The following CRTAC1 variants were observed in gnomAD, a reference collection of about 807,000 sequenced individuals.
CRTAC1 encodes the protein acidic secreted protein in cartilage.
Under a neutral mutation model 67.8 loss-of-function variants are expected in CRTAC1, and 37 were observed. The observed-to-expected ratio is 0.55, with a 90% confidence interval of 0.42 to 0.72. The LOEUF (loss-of-function observed/expected upper bound fraction) is 0.72, where lower values mean the gene tolerates loss of function less well. Ranked by LOEUF, CRTAC1 falls within the 30% of genes least tolerant of loss-of-function variation. CRTAC1 has a pLI of 0.00. For missense variants in CRTAC1, 780 were observed against 931.6 expected, an observed-to-expected ratio of 0.84 and a Z score of 2.12; for synonymous variants, 348 against 371.0, an observed-to-expected ratio of 0.94 and a Z score of 0.71.
At chr10:97,921,429 C>T (rs904653891) in intron 4 of CRTAC1, among the ~76,000 whole-genome samples, 5 of 152,344 alleles carry the variant, frequency 3.3e-5, no homozygotes, top group Non-Finnish European at 1.5e-5. Flanking sequence ...CAATTCCTGG[C>T]TTTGCCTGTT....
At chr10:97,930,632 G>T (rs1382392671) in intron 3 of CRTAC1, among the ~76,000 whole-genome samples, 2 of 152,120 alleles carry the variant, frequency 1.3e-5, no homozygotes, top group Non-Finnish European at 2.9e-5. Flanking sequence ...AGAATATCTG[G>T]GTACAGTTGG....
intron 2 of CRTAC1, among the ~76,000 whole-genome samples, chr10:97,968,269 G>A (rs1237115326): frequency 6.6e-6 from 1 of 152,116 alleles, no homozygotes; most frequent in East Asian, 1.9e-4. Context: ...TTGAGGCAGA[G>A]TCTCGCTCTG....
intron 5 of CRTAC1, among the ~76,000 whole-genome samples, chr10:97,916,543 C>G (rs1361627625): frequency 2.0e-5 from 3 of 152,198 alleles, no homozygotes; most frequent in Non-Finnish European, 4.4e-5. Flanking sequence ...ATGATGCCAC[C>G]ACCCAGGTGT....
intron 2 of CRTAC1, among the ~76,000 whole-genome samples, chr10:97,987,322 C>T (rs191937848): frequency 1.1e-3 from 173 of 152,262 alleles, no homozygotes; most frequent in African/African-American, 3.9e-3. Context: ...GTTCTTTTCC[C>T]GACTGGGGTT....
chr10:97,917,196 G>A (rs951344189), intron 5 of CRTAC1, among the ~76,000 whole-genome samples: 1 of 152,180 alleles, frequency 6.6e-6, no homozygotes, highest in Non-Finnish European at 1.5e-5. Flanking sequence ...AGAGGCAGTG[G>A]GGCAAGAGGT....
At chr10:97,930,922 C>CA (rs5787263) in intron 3 of CRTAC1, among the ~76,000 whole-genome samples, 6 of 148,796 alleles carry the variant, frequency 4.0e-5, no homozygotes, top group African/African-American at 1.5e-4. Flanking sequence ...AGAGCAAAGA[C>CA]AAAAAAAAAA....
At chr10:97,907,896 T>C (rs2050635257) in intron 6 of CRTAC1, 117 bp downstream of exon 6, 1 of 1,115,562 alleles carries the variant, frequency 9.0e-7, no homozygotes. Flanking sequence ...GACGATGACT[T>C]GCCCTGCTCT....
chr10:98,001,954 G>C (rs1459299061), intron 2 of CRTAC1, among the ~76,000 whole-genome samples: 1 of 152,246 alleles, frequency 6.6e-6, no homozygotes, highest in African/African-American at 2.4e-5. Flanking sequence ...TGGAGCAGCA[G>C]TGATGCTGAG....
intron 14 of CRTAC1, among the ~76,000 whole-genome samples, chr10:97,876,287 G>C (rs1245151734): frequency 6.6e-6 from 1 of 152,140 alleles, no homozygotes; most frequent in Non-Finnish European, 1.5e-5. Flanking sequence ...GTAAACGTGG[G>C]ATAATTACAA....
chr10:97,921,181 G>A lies in CRTAC1; in HGVS notation c.558+2083C>T, dbSNP rs546462380. Among the ~76,000 whole-genome samples the A allele has an allele frequency of 1.3e-4, 20 of 152,260 alleles. No homozygotes were observed. In the East Asian group the frequency reaches 2.9e-3, roughly 22 times the overall value. Reference sequence around the variant, plus strand: ...CTGTCTGGAGGGTGGAGTGGGGCGGGGCCTGAGAATGTGCATTTCTAGCAA... The same window carrying A: ...CTGTCTGGAGGGTGGAGTGGGGCGGAGCCTGAGAATGTGCATTTCTAGCAA... On this transcript the variant is annotated intron_variant, in intron 4 of 14. Transcript: ENST00000370597.
At chr10:97,959,709 G>T (rs1245732402) in intron 2 of CRTAC1, among the ~76,000 whole-genome samples, 3 of 152,200 alleles carry the variant, frequency 2.0e-5, no homozygotes, top group Non-Finnish European at 4.4e-5. Context: ...CGGATATGTT[G>T]TCCAGCCCAC....
chr10:97,955,045 G>A (rs2051419465), intron 2 of CRTAC1, among the ~76,000 whole-genome samples: 1 of 152,100 alleles, frequency 6.6e-6, no homozygotes, highest in Admixed American at 6.6e-5. Context: ...AAACCTAACA[G>A]TTAGGATAAT....
intron 3 of CRTAC1, among the ~76,000 whole-genome samples, chr10:97,931,108 T>C (rs978551610): frequency 2.0e-5 from 3 of 151,166 alleles, no homozygotes; most frequent in African/African-American, 7.3e-5. Context: ...TCAGTCTCCT[T>C]CATTTTAACA....
chr10:97,888,194 C>A (rs549637443), intron 11 of CRTAC1, among the ~76,000 whole-genome samples: 4 of 152,270 alleles, frequency 2.6e-5, no homozygotes, highest in South Asian at 4.2e-4. Flanking sequence ...AGACCCAGGC[C>A]CCATTCTCAT....
At chr10:97,916,777 T>G (rs191172644) in intron 5 of CRTAC1, among the ~76,000 whole-genome samples, 2 of 152,332 alleles carry the variant, frequency 1.3e-5, no homozygotes, top group South Asian at 2.1e-4. Context: ...GGCTTCCTGA[T>G]TTTTGGCACC....
intron 2 of CRTAC1, among the ~76,000 whole-genome samples, chr10:97,972,297 A>T (rs1468993956): frequency 6.6e-6 from 1 of 152,248 alleles, no homozygotes; most frequent in African/African-American, 2.4e-5. Flanking sequence ...AGTCAGACAG[A>T]GAGAGTGCAC....
chr10:98,011,036 A>G (rs1470701741), intron 2 of CRTAC1, 102 bp downstream of exon 2: 11 of 993,244 alleles, frequency 1.1e-5, no homozygotes, highest in Non-Finnish European at 1.6e-5. Flanking sequence ...TATGAGTGAG[A>G]ACGTATGTTG....
intron 2 of CRTAC1, among the ~76,000 whole-genome samples, chr10:97,999,681 G>A (rs991221249): frequency 1.3e-5 from 2 of 152,214 alleles, no homozygotes; most frequent in Non-Finnish European, 2.9e-5. Context: ...GGCTGGGTTT[G>A]GGCTGCCAGT....
In CRTAC1 at chr10:97,935,473, C is replaced by T. The variant is rs141736482; in HGVS notation, c.421+697G>A. On this transcript the variant is annotated intron_variant, in intron 3 of 14. Coordinates refer to ENST00000370597, the MANE Select transcript of CRTAC1 (RefSeq NM_018058.7). The stretch of plus-strand genomic sequence containing the variant: ...AGGCATCATCATCATAGCCTGGGAG[C>T]GGGTCAGAAGTGCAGGGTCTTGGCC... 1.4e-3 allele frequency among the ~76,000 whole-genome samples: 216 copies of T among 152,290 alleles called. 1 individual carries two copies. Among genetic ancestry groups the T allele is most frequent in the African/African-American group, 4.8e-3 (198 of 41,560 alleles).
Sources: allele counts gnomAD v4.1 joint callset (sites outside exome capture counted in the v4.1 genomes callset), GRCh38; gene constraint gnomAD v4.1.1; transcripts MANE v1.5; gene names NCBI Gene and HGNC (gene_info 2026-07-23, HGNC 2026-07-21).